ADAMTS20: variants seen among roughly 807,000 people sequenced by gnomAD.
ADAMTS20 encodes ADAM metallopeptidase with thrombospondin type 1 motif 20.
ADAMTS20 carries 225 observed loss-of-function variants against 260.1 expected under a neutral mutation model. That is an observed-to-expected ratio of 0.87 (90% CI 0.78 to 0.97). The LOEUF (loss-of-function observed/expected upper bound fraction) is 0.97. ADAMTS20 is among the 50% of genes least tolerant of loss of function. ADAMTS20 has a pLI of 0.00. For missense variants in ADAMTS20, 2,400 were observed against 2,337.7 expected, an observed-to-expected ratio of 1.03 and a Z score of -0.55; for synonymous variants, 802 against 769.5, an observed-to-expected ratio of 1.04 and a Z score of -0.70.
rs1472171343 is a variant in ADAMTS20 at position 43,428,915 on chromosome 12, T to C, written c.3490-116A>G. 21 of 925,768 alleles carry C rather than the reference T, an allele frequency of 2.3e-5. No homozygotes were observed. In the Admixed American group the frequency reaches 6.6e-4, roughly 29 times the overall value. The allele number at this position is 925,768 out of a possible 1,614,324, so 57.3% of individuals were successfully genotyped here. A position where few individuals can be genotyped will look rare whatever the true frequency, so the allele number is the denominator to read the frequency against. On this transcript the variant is annotated intron_variant, in intron 24 of 38. Coordinates refer to ENST00000389420, the MANE Select transcript of ADAMTS20 (RefSeq NM_025003.5). The stretch of plus-strand genomic sequence containing the variant: ...ATCCAGTTTCTTGAGAAATTTTAAA[T>C]TATTATAGATAATATTACCTGACAT...
intron 3 of ADAMTS20, among the ~76,000 whole-genome samples, chr12:43,503,926 T>C (rs1157866305): frequency 6.6e-6 from 1 of 152,204 alleles, no homozygotes; most frequent in African/African-American, 2.4e-5. Context: ...TATTCCATAG[T>C]ATATATGTAC....
At chr12:43,411,248 T>C (rs900420937) in intron 28 of ADAMTS20, among the ~76,000 whole-genome samples, 1 of 152,196 alleles carries the variant, frequency 6.6e-6, no homozygotes, top group Non-Finnish European at 1.5e-5. Context: ...AAGTTTTATA[T>C]TGCCTCTTTT....
At chr12:43,367,093 C>T (rs1940002807) in intron 37 of ADAMTS20, among the ~76,000 whole-genome samples, 1 of 151,916 alleles carries the variant, frequency 6.6e-6, no homozygotes, top group African/African-American at 2.4e-5. Context: ...AGCCCAGGCT[C>T]AGATGGCTTT....
chr12:43,479,491 C>T (rs1344313234), intron 7 of ADAMTS20, among the ~76,000 whole-genome samples: 1 of 151,980 alleles, frequency 6.6e-6, no homozygotes, highest in Admixed American at 6.6e-5. Context: ...CATTCTCTAA[C>T]TGCAATAAAA....
At chr12:43,367,773 G>A (rs1940018848) in intron 37 of ADAMTS20, among the ~76,000 whole-genome samples, 1 of 152,040 alleles carries the variant, frequency 6.6e-6, no homozygotes, top group South Asian at 2.1e-4. Context: ...ACATCACTGT[G>A]TATAAAGAAA....
chr12:43,523,909 C>G (rs1358948678), intron 3 of ADAMTS20, among the ~76,000 whole-genome samples: 1 of 151,324 alleles, frequency 6.6e-6, no homozygotes, highest in African/African-American at 2.4e-5. Flanking sequence ...AGGACAGACA[C>G]TTTGGGGGAG....
At chr12:43,505,051 G>T (rs1301070392) in intron 3 of ADAMTS20, among the ~76,000 whole-genome samples, 1 of 152,160 alleles carries the variant, frequency 6.6e-6, no homozygotes, top group Non-Finnish European at 1.5e-5. Context: ...CTGATGAACT[G>T]CAATAGAGAC....
intron 22 of ADAMTS20, among the ~76,000 whole-genome samples, chr12:43,430,676 C>A (rs74357802): frequency 0.011 from 1,607 of 151,852 alleles, 23 homozygotes; most frequent in African/African-American, 0.037. Context: ...TTGAAGTTAA[C>A]CAAACTGTAC....
intron 4 of ADAMTS20, among the ~76,000 whole-genome samples, chr12:43,494,971 C>G (rs769565183): frequency 3.5e-4 from 54 of 152,284 alleles, no homozygotes; most frequent in South Asian, 6.2e-4. Context: ...GAATAATATG[C>G]ATATCCAGTG....
rs571813308 is a variant in ADAMTS20, at chr12:43,356,602, A to T, written c.5539-14T>A. The T allele has an allele frequency of 1.2e-5, 19 of 1,556,824 alleles. No individual in the cohort carries two copies. In the African/African-American group the frequency reaches 2.4e-4, roughly 20 times the overall value. On this transcript the variant is annotated splice_polypyrimidine_tract_variant and intron_variant, in intron 37 of 38. Transcript: ENST00000389420. ...GCTAAACTGTCCCTGGATTGTAAAT[A>T]AAACAAAGAAAAATAGATGGAATTT...
intron 2 of ADAMTS20, among the ~76,000 whole-genome samples, chr12:43,542,167 T>C (rs569336691): frequency 1.1e-4 from 16 of 152,236 alleles, no homozygotes; most frequent in Admixed American, 9.8e-4. Context: ...TCTTGTGGGG[T>C]CTGCGTAGTG....
chr12:43,507,020 G>A (rs1942853493), intron 3 of ADAMTS20, among the ~76,000 whole-genome samples: 1 of 142,998 alleles, frequency 7.0e-6, no homozygotes, highest in Admixed American at 7.6e-5. Flanking sequence ...ATAATGTCTG[G>A]GAATTGAATG....
At chr12:43,418,580 A>G (rs1941175151) in intron 28 of ADAMTS20, among the ~76,000 whole-genome samples, 1 of 152,210 alleles carries the variant, frequency 6.6e-6, no homozygotes, top group Non-Finnish European at 1.5e-5. Context: ...AAGTGCTGGG[A>G]TTACAGGCAT....
intron 28 of ADAMTS20, among the ~76,000 whole-genome samples, chr12:43,416,260 G>A (rs1158793028): frequency 3.3e-5 from 5 of 151,570 alleles, no homozygotes; most frequent in Admixed American, 6.6e-5. Flanking sequence ...TTGACTTTTC[G>A]TCTCTAGTCT....
At chr12:43,467,406 G>A (rs1415664429) in intron 8 of ADAMTS20, among the ~76,000 whole-genome samples, 21 of 151,846 alleles carry the variant, frequency 1.4e-4, no homozygotes, top group Admixed American at 1.4e-3. Context: ...TACAATTTGG[G>A]GGGAACTCAA....
intron 4 of ADAMTS20, among the ~76,000 whole-genome samples, chr12:43,496,840 T>TAC (rs1288148507): frequency 1.3e-5 from 2 of 151,812 alleles, no homozygotes; most frequent in African/African-American, 2.4e-5. Flanking sequence ...CTAACACACA[T>TAC]ACACACACAC....
At chr12:43,374,181 T>G (rs1940171438) in intron 36 of ADAMTS20, among the ~76,000 whole-genome samples, 1 of 152,120 alleles carries the variant, frequency 6.6e-6, no homozygotes, top group Non-Finnish European at 1.5e-5. Context: ...ACCATAGTAA[T>G]ATAATGCTTC....
In ADAMTS20 at chr12:43,356,579, T is replaced by C; in HGVS notation, c.5548A>G (p.Ser1850Gly). The C allele has an allele frequency of 6.2e-7, 1 of 1,609,832 alleles. No individual in the cohort carries two copies. Among genetic ancestry groups the C allele is most frequent in the Non-Finnish European group, 8.5e-7 (1 of 1,177,482 alleles). The change falls in exon 38 of 39, where the codon AGC becomes GGC. Residue 1850 changes from serine (S) to glycine (G), a missense_variant. Transcript: ENST00000389420. Reference sequence around the variant, plus strand: ...ATCCCAGTTCCTGACAAATTAATGCTAAACTGTCCCTGGATTGTAAATAAA... The same window carrying C: ...ATCCCAGTTCCTGACAAATTAATGCCAAACTGTCCCTGGATTGTAAATAAA... ...SAFRCPQGQF[S>G]INLSGTGMKI...
rs539455262 is a variant in ADAMTS20, at chr12:43,530,575, G to A, written c.613+1461C>T. Among the ~76,000 whole-genome samples, 3 of 152,226 alleles carry A rather than the reference G, an allele frequency of 2.0e-5. No individual in the cohort carries two copies. In the South Asian group the frequency reaches 6.3e-4, roughly 32 times the overall value. On this transcript the variant is annotated intron_variant, in intron 3 of 38. Coordinates refer to ENST00000389420, the MANE Select transcript of ADAMTS20 (RefSeq NM_025003.5). Reference sequence around the variant, plus strand: ...ATATCATTATATCTCAAAACAGATGGCATCACAGTGTTTGGAACTATAGTT... The same window carrying A: ...ATATCATTATATCTCAAAACAGATGACATCACAGTGTTTGGAACTATAGTT...
Sources: gnomAD v4.1 joint callset for allele counts (sites outside exome capture counted in the v4.1 genomes callset) on GRCh38, gnomAD v4.1.1 for gene constraint, MANE v1.5 for transcripts, NCBI Gene and HGNC (gene_info 2026-07-23, HGNC 2026-07-21) for gene names.